SPTBN4: variants seen among roughly 807,000 people sequenced by gnomAD.
SPTBN4 encodes the protein spectrin beta chain, non-erythrocytic 4.
Under a neutral mutation model 277.8 loss-of-function variants are expected in SPTBN4, and 96 were observed. That is an observed-to-expected ratio of 0.35 (90% CI 0.29 to 0.41). The LOEUF is 0.41. Among genes scored for constraint, SPTBN4 ranks in the 10% least tolerant of loss-of-function variants. The pLI is 1.00. For missense variants in SPTBN4, 3,006 were observed against 3,595.7 expected, an observed-to-expected ratio of 0.84 and a Z score of 4.19; for synonymous variants, 1,481 against 1,580.3, an observed-to-expected ratio of 0.94 and a Z score of 1.49.
intron 27 of SPTBN4, 132 bp from the exon 28 acceptor site, chr19:40,565,291 G>C: frequency 1.0e-5 from 12 of 1,168,628 alleles, no homozygotes; most frequent in Non-Finnish European, 1.2e-5. Context: ...GAAAAGAAAA[G>C]AAAAGAAAGT....
Position 40,490,300 on chromosome 19 carries a change from C to T in SPTBN4, c.495+52C>T. The stretch of plus-strand genomic sequence containing the variant: ...CCCCGCAACATGGGACTTAGGAAAG[C>T]GTTCCCCACCATTTACCCATTCATT... On this transcript the variant is annotated intron_variant, in intron 4 of 35. Transcript: ENST00000598249. This position sits in a 1 kb window ranked among gnomAD's most constrained non-coding sequence, Gnocchi z 4.3. 3 of 1,562,602 alleles carry T rather than the reference C, an allele frequency of 1.9e-6. No individual in the cohort carries two copies. The highest frequency in any genetic ancestry group is 2.6e-6 in the Non-Finnish European group (3 of 1,150,620).
intron 20 of SPTBN4, among the ~76,000 whole-genome samples, chr19:40,536,298 C>T (rs1009273301): frequency 6.6e-6 from 1 of 152,054 alleles, no homozygotes; most frequent in African/African-American, 2.4e-5. Context: ...ACTGCAACCT[C>T]TACCTCCCAG....
In SPTBN4 at chr19:40,502,052, T is replaced by G; in HGVS notation, c.897+19T>G. 1 of 1,612,476 alleles carries G rather than the reference T, an allele frequency of 6.2e-7. No individual in the cohort carries two copies. The highest frequency in any genetic ancestry group is 8.5e-7 in the Non-Finnish European group (1 of 1,179,548). The stretch of plus-strand genomic sequence containing the variant: ...CGGGAAGGTATAAGGAGCCAAGGAG[T>G]GGGTGAGTGGGAAGCTGGAAGCTGG... On this transcript the variant is annotated intron_variant, in intron 8 of 35. Transcript: ENST00000598249. The surrounding 1 kb of genome is among the most constrained non-coding windows in gnomAD (Gnocchi z 4.9).
At chr19:40,552,129 C>T (rs934869467) in intron 22 of SPTBN4, among the ~76,000 whole-genome samples, 2 of 151,394 alleles carry the variant, frequency 1.3e-5, no homozygotes, top group African/African-American at 4.9e-5. Context: ...ACCAGCCTGA[C>T]CAACATGGTG....
rs2145951776 is a variant in SPTBN4 at position 40,566,238 on chromosome 19, A to G, written c.6215A>G (p.Gln2072Arg). Residue 2072 changes from glutamine (Q) to arginine (R), a missense_variant, in exon 30 of 36, where the codon CAG becomes CGG. Transcript: ENST00000598249. The stretch of plus-strand genomic sequence containing the variant: ...CTGACAGCCCAGGAGCCGCTCCTGC[A>G]GAGCCGGGAGCTGGGCAGCAGCGTG... ...AWLTAQEPLLQSRELGSSVDE... is the reference protein window; with the variant it reads ...AWLTAQEPLLRSRELGSSVDE... 6.4e-7 allele frequency: 1 copy of G among 1,561,522 alleles called. No individual in the cohort carries two copies. Among genetic ancestry groups the G allele is most frequent in the South Asian group, 1.2e-5 (1 of 84,806 alleles).
Position 40,519,541 on chromosome 19 carries a change from G to C in SPTBN4, c.3044G>C (p.Arg1015Pro). ...EKRRAVESAP[R>P]AGGALQWRLS... ...CGGAGAGCTGTGGAGAGCGCGCCCCGGGCCGGCGGCGCCCTGCAGTGGCGT... is the reference window on the plus strand; with the variant it reads ...CGGAGAGCTGTGGAGAGCGCGCCCCCGGCCGGCGGCGCCCTGCAGTGGCGT... Residue 1015 changes from arginine (R) to proline (P), a missense_variant, in exon 16 of 36, where the codon CGG (arginine) becomes CCG (proline). Arg to Pro is a moderately radical substitution (Grantham distance 103). This residue lies in a region of SPTBN4 where 1,759 missense variants were observed against 2,061.5 expected (regional missense o/e 0.85). Transcript: ENST00000598249. This position sits in a 1 kb window ranked among gnomAD's most constrained non-coding sequence, Gnocchi z 5.7. 6.3e-7 allele frequency: 1 copy of C among 1,582,338 alleles called. No individual in the cohort carries two copies. The highest frequency in any genetic ancestry group is 8.6e-7 in the Non-Finnish European group (1 of 1,167,732).
At chr19:40,563,506 CTTAATT>C (rs2081063257) in intron 27 of SPTBN4, among the ~76,000 whole-genome samples, 1 of 151,990 alleles carries the variant, frequency 6.6e-6, no homozygotes, top group Admixed American at 6.6e-5. Context: ...GCAAATGAAA[CTTAATT>C]TTAGTAATAC....
intron 35 of SPTBN4, chr19:40,572,628 C>T: frequency 1.8e-6 from 1 of 550,110 alleles, no homozygotes; most frequent in South Asian, 2.3e-5. Flanking sequence ...GCCGTGGTCA[C>T]TCAGGTGAGA....
At chr19:40,481,527 G>A (rs1476681167) in intron 2 of SPTBN4, among the ~76,000 whole-genome samples, 1 of 152,204 alleles carries the variant, frequency 6.6e-6, no homozygotes, top group Non-Finnish European at 1.5e-5. Flanking sequence ...CCAGGCTGGA[G>A]TGCAGTGGCG....
rs1187360656 is a variant in SPTBN4, at chr19:40,467,229, G to A, written c.-92G>A. 2 of 151,432 alleles carry A rather than the reference G, an allele frequency of 1.3e-5. No individual in the cohort carries two copies. The highest frequency in any genetic ancestry group is 3.9e-4 in the East Asian group (2 of 5,140). The allele number at this position is 151,432 out of a possible 1,614,324, so 9.4% of individuals were successfully genotyped here. A position where few individuals can be genotyped will look rare whatever the true frequency, so the allele number is the denominator to read the frequency against. ...GGCTGGGCCGGGCCGGGCCGGGCCG[G>A]GCAGCGGACGCCGACAGGGAGGGCG... is the stretch of plus-strand genomic sequence containing the variant. On this transcript the variant is annotated 5_prime_UTR_variant, in exon 1 of 36. Coordinates refer to ENST00000598249, the MANE Select transcript of SPTBN4 (RefSeq NM_020971.3).
Position 40,519,884 on chromosome 19 carries a change from G to T in SPTBN4, c.3387G>T (p.Leu1129=). 1.3e-6 allele frequency: 2 copies of T among 1,513,520 alleles called. No homozygotes were observed. Among genetic ancestry groups the T allele is most frequent in the Non-Finnish European group, 1.8e-6 (2 of 1,141,012 alleles). The allele number at this position is 1,513,520 out of a possible 1,614,324, so 93.8% of individuals were successfully genotyped here. Residue 1129 remains leucine (L), a synonymous_variant, in exon 16 of 36, where the codon CTG becomes CTT. Coordinates refer to ENST00000598249, the MANE Select transcript of SPTBN4 (RefSeq NM_020971.3). The surrounding 1 kb of genome is among the most constrained non-coding windows in gnomAD (Gnocchi z 5.7). ...GCCTAGAAGAGGCGGACGCGCTGCT[G>T]GCGCGCCACGCTGCGCTCAAGGAGG... is the stretch of plus-strand genomic sequence containing the variant. The part of the protein sequence containing the change: ...PNSLEEADAL[L]ARHAALKEEV...
chr19:40,518,289 G>C (rs1197903469), intron 15 of SPTBN4, among the ~76,000 whole-genome samples: 2 of 152,050 alleles, frequency 1.3e-5, no homozygotes, highest in Non-Finnish European at 2.9e-5. Context: ...CTGGGCAACA[G>C]AGCAAGACTC....
At position 40,519,322 on chromosome 19, in the gene SPTBN4, T is replaced by A. The variant is rs1275905255; in HGVS notation, c.2904-79T>A. The A allele has an allele frequency of 4.3e-6, 6 of 1,384,200 alleles. No individual in the cohort carries two copies. The highest frequency in any genetic ancestry group is 5.6e-6 in the Non-Finnish European group (6 of 1,067,646). 85.7% of individuals were successfully genotyped at this position (1,384,200 alleles called of 1,614,324 possible). ...AGTGGCTGGGTGGCTTGGGCCTGGATTCTACCCTGGGTCGGCGGGCCCTCC... is the reference window on the plus strand; with the variant it reads ...AGTGGCTGGGTGGCTTGGGCCTGGAATCTACCCTGGGTCGGCGGGCCCTCC... On this transcript the variant is annotated intron_variant, in intron 15 of 35. Transcript: ENST00000598249. The surrounding 1 kb of genome is among the most constrained non-coding windows in gnomAD (Gnocchi z 5.7).
chr19:40,549,177 CTG>C lies in SPTBN4; in HGVS notation c.4360-10_4360-9del. The C allele has an allele frequency of 6.5e-7, 1 of 1,535,880 alleles. No individual in the cohort carries two copies. Among genetic ancestry groups the C allele is most frequent in the Non-Finnish European group, 8.8e-7 (1 of 1,140,542 alleles). On this transcript the variant is annotated splice_polypyrimidine_tract_variant and intron_variant, in intron 20 of 35. Coordinates refer to ENST00000598249, the MANE Select transcript of SPTBN4 (RefSeq NM_020971.3). ...CGGGTGGGGCCCATTGACCCTGCCT[CTG>C]TCCCCACAGTCCATGGAGTCGCAGG...
Position 40,512,964 on chromosome 19 carries a change from G to A in SPTBN4, c.2175G>A (p.Leu725=), listed in dbSNP as rs756040526. 6 of 1,412,706 alleles carry A rather than the reference G, an allele frequency of 4.2e-6. No individual in the cohort carries two copies. The South Asian group carries it at 8.9e-5, about 21-fold the overall frequency. 87.5% of individuals were successfully genotyped at this position (1,412,706 alleles called of 1,614,324 possible). ...LQQALRCGEE[L]VAAGGAVGPG... ...AGGCCCTGCGGTGTGGCGAGGAGCT[G>A]GTTGCGGCCGGCGGTGCCGTCGGCC... Residue 725 remains leucine, a synonymous_variant, in exon 14 of 36, where the codon CTG becomes CTA. Transcript: ENST00000598249.
rs377693651 is a variant in SPTBN4 at position 40,489,239 on chromosome 19, A to AG, written c.322-836_322-835insG. Among the ~76,000 whole-genome samples the AG allele has an allele frequency of 5.0e-3, 759 of 151,576 alleles. 18 individuals are homozygous for AG. In the East Asian group the frequency reaches 0.052, roughly 10 times the overall value. On this transcript the variant is annotated intron_variant, in intron 3 of 35. Coordinates refer to ENST00000598249, the MANE Select transcript of SPTBN4 (RefSeq NM_020971.3). ...GCCAAAAAAAAAAAAAAAGAAAGAAAAAAAAGAATAGATAGGAACCAACGC... is the reference window on the plus strand; with the variant it reads ...GCCAAAAAAAAAAAAAAAGAAAGAAAGAAAAAGAATAGATAGGAACCAACGC...
At chr19:40,509,218 G>C (rs577886674) in intron 13 of SPTBN4, among the ~76,000 whole-genome samples, 1 of 151,064 alleles carries the variant, frequency 6.6e-6, no homozygotes, top group Non-Finnish European at 1.5e-5. Context: ...CATTGTCCCT[G>C]GCCATTTCTG....
intron 35 of SPTBN4, among the ~76,000 whole-genome samples, chr19:40,573,480 G>C (rs1172756723): frequency 6.6e-6 from 1 of 152,224 alleles, no homozygotes; most frequent in Non-Finnish European, 1.5e-5. Flanking sequence ...ATTTGGAGGA[G>C]ATTGGATTTT....
At chr19:40,474,879 C>G (rs760427244) in intron 2 of SPTBN4, among the ~76,000 whole-genome samples, 1 of 152,040 alleles carries the variant, frequency 6.6e-6, no homozygotes, top group South Asian at 2.1e-4. Flanking sequence ...GTGACAAGAG[C>G]TTAACTCCGT....
Sources: allele counts gnomAD v4.1 joint callset (sites outside exome capture counted in the v4.1 genomes callset), GRCh38; gene constraint gnomAD v4.1.1; regional missense constraint gnomAD v4.1.1; non-coding constraint Gnocchi (gnomAD v3.1); transcripts MANE v1.5; gene names NCBI Gene and HGNC (gene_info 2026-07-23, HGNC 2026-07-21).